CSMD1: variants seen among roughly 807,000 people sequenced by gnomAD.
The protein encoded by CSMD1 is CUB and sushi domain-containing protein 1.
In CSMD1, 213 loss-of-function variants were observed where a neutral mutation model predicts 417.5. The ratio of observed to expected loss-of-function variants is 0.51; its 90% CI spans 0.46 to 0.57. The LOEUF (loss-of-function observed/expected upper bound fraction) is 0.57. Ranked by LOEUF, CSMD1 falls within the 20% of genes least tolerant of loss-of-function variation. The probability of loss-of-function intolerance (pLI) is 0.00; values close to 1 mark genes in which losing one functional copy is unlikely to be tolerated. For synonymous variants in CSMD1, 2,862 were observed against 1,736.8 expected, an observed-to-expected ratio of 1.65 and a Z score of -16.11; for missense variants, 6,923 against 4,529.7, an observed-to-expected ratio of 1.53 and a Z score of -15.17.
At chr8:3,431,873 T>G (rs559503688) in intron 12 of CSMD1, among the ~76,000 whole-genome samples, 2 of 152,340 alleles carry the variant, frequency 1.3e-5, no homozygotes, top group East Asian at 3.9e-4. Context: ...CACAGTGAGA[T>G]AAGATATCGG....
At chr8:3,953,689 G>C (rs1156676500) in intron 5 of CSMD1, among the ~76,000 whole-genome samples, 1 of 152,114 alleles carries the variant, frequency 6.6e-6, no homozygotes, top group Non-Finnish European at 1.5e-5. Context: ...TGGCGGGGAG[G>C]GGTGAGGGGT....
chr8:4,054,664 G>C (rs540115139), intron 3 of CSMD1, among the ~76,000 whole-genome samples: 1 of 152,194 alleles, frequency 6.6e-6, no homozygotes, highest in South Asian at 2.1e-4. Flanking sequence ...CTTGCACAGT[G>C]TCTCATAGGA....
intron 2 of CSMD1, among the ~76,000 whole-genome samples, chr8:4,624,134 T>C (rs1801955381): frequency 6.6e-6 from 1 of 152,152 alleles, no homozygotes; most frequent in East Asian, 1.9e-4. Flanking sequence ...AATTCTAATT[T>C]AGGAAACCAA....
chr8:3,064,198 C>G (rs1010742092), intron 49 of CSMD1, among the ~76,000 whole-genome samples: 9 of 152,188 alleles, frequency 5.9e-5, no homozygotes, highest in African/African-American at 2.2e-4. Flanking sequence ...AAACATTGAT[C>G]TGAAGTTTGG....
intron 6 of CSMD1, among the ~76,000 whole-genome samples, chr8:3,743,760 T>C (rs918398573): frequency 1.3e-5 from 2 of 152,192 alleles, no homozygotes; most frequent in Non-Finnish European, 2.9e-5. Context: ...AATTTCACCA[T>C]GGCGATGTAA....
intron 3 of CSMD1, among the ~76,000 whole-genome samples, chr8:4,162,736 T>A (rs543366727): frequency 1.3e-5 from 2 of 152,302 alleles, no homozygotes; most frequent in East Asian, 1.9e-4. Context: ...TCGATGAACT[T>A]ACATTGGTAA....
intron 18 of CSMD1, among the ~76,000 whole-genome samples, chr8:3,378,309 C>T (rs1366390986): frequency 6.6e-6 from 1 of 152,158 alleles, no homozygotes; most frequent in African/African-American, 2.4e-5. Context: ...CAGTCGAATT[C>T]TCCCAGAAGT....
At chr8:3,270,560 C>G (rs1283958542) in intron 26 of CSMD1, among the ~76,000 whole-genome samples, 1 of 152,156 alleles carries the variant, frequency 6.6e-6, no homozygotes, top group Admixed American at 6.5e-5. Context: ...AGTAAAAGAA[C>G]TTTATCAAGA....
chr8:3,184,872 G>A (rs568678857), intron 36 of CSMD1, among the ~76,000 whole-genome samples: 1 of 152,072 alleles, frequency 6.6e-6, no homozygotes, highest in Non-Finnish European at 1.5e-5. Context: ...TCATGTTTTT[G>A]TGCACACCTT....
chr8:3,340,295 G>T (rs1209948508), intron 23 of CSMD1, among the ~76,000 whole-genome samples: 1 of 152,164 alleles, frequency 6.6e-6, no homozygotes. Context: ...GAATTACCAG[G>T]ATTGTAAAGT....
At chr8:3,675,521 C>G (rs1799327184) in intron 7 of CSMD1, among the ~76,000 whole-genome samples, 1 of 152,050 alleles carries the variant, frequency 6.6e-6, no homozygotes, top group Admixed American at 6.6e-5. Context: ...GCCCCAATCT[C>G]CAATGAGATG....
At chr8:4,510,389 C>CAAAAAAAAAAAAAAA (rs1563243981) in intron 2 of CSMD1, among the ~76,000 whole-genome samples, 2 of 10,964 alleles carry the variant, frequency 1.8e-4, no homozygotes, top group African/African-American at 8.3e-4. Context: ...AGCATAATGC[C>CAAAAAAAAAAAAAAA]TAAAAAAAAA....
chr8:4,558,495 T>A (rs1203998389), intron 2 of CSMD1, among the ~76,000 whole-genome samples: 1 of 152,154 alleles, frequency 6.6e-6, no homozygotes, highest in Non-Finnish European at 1.5e-5. Flanking sequence ...GTACAATTAT[T>A]CTCATGGGAT....
At chr8:4,964,727 A>G (rs1409567268) in intron 1 of CSMD1, among the ~76,000 whole-genome samples, 2 of 152,120 alleles carry the variant, frequency 1.3e-5, no homozygotes, top group Non-Finnish European at 2.9e-5. Context: ...GCCAAACTGA[A>G]AAAAAATGAA....
chr8:3,048,556 G>C (rs1811608944), intron 50 of CSMD1, among the ~76,000 whole-genome samples: 1 of 152,122 alleles, frequency 6.6e-6, no homozygotes, highest in Admixed American at 6.5e-5. Flanking sequence ...TCCAGACACA[G>C]ACCTTTTGCC....
At chr8:4,343,248 G>A (rs1192071619) in intron 3 of CSMD1, among the ~76,000 whole-genome samples, 1 of 152,106 alleles carries the variant, frequency 6.6e-6, no homozygotes, top group African/African-American at 2.4e-5. Context: ...ACAGACAGGA[G>A]GATGGAGGTT....
intron 2 of CSMD1, among the ~76,000 whole-genome samples, chr8:4,461,363 G>A (rs572407285): frequency 4.9e-4 from 74 of 151,528 alleles, no homozygotes; most frequent in Non-Finnish European, 9.1e-4. Flanking sequence ...TTTAGCTAGG[G>A]CAGTGATGCA....
rs150416020 is a variant in CSMD1, at chr8:4,888,461, G to A, written c.85+105871C>T. On this transcript the variant is annotated intron_variant, in intron 1 of 69. Coordinates refer to ENST00000635120, the MANE Select transcript of CSMD1 (RefSeq NM_033225.6). ...GATATACATATATATTGTTTTGCAC[G>A]TATAGGTGTGTGAGCACACATACAG... 3.2e-3 allele frequency among the ~76,000 whole-genome samples: 485 copies of A among 151,606 alleles called. 5 individuals are homozygous for A. Among genetic ancestry groups the A allele is most frequent in the African/African-American group, 0.01 (418 of 41,250 alleles).
chr8:4,445,712 T>C, intron 2 of CSMD1, among the ~76,000 whole-genome samples: 1 of 152,168 alleles, frequency 6.6e-6, no homozygotes, highest in Admixed American at 6.5e-5. Flanking sequence ...GGAATTTCTA[T>C]TTGGGGGCGT....
Sources: gnomAD v4.1 joint callset for allele counts (sites outside exome capture counted in the v4.1 genomes callset) on GRCh38, gnomAD v4.1.1 for gene constraint, MANE v1.5 for transcripts, NCBI Gene and HGNC (gene_info 2026-07-23, HGNC 2026-07-21) for gene names.